The following PEAK1 variants were observed in gnomAD, a reference collection of about 807,000 sequenced individuals.
PEAK1 encodes the protein inactive tyrosine-protein kinase PEAK1.
Under a neutral mutation model 124.7 loss-of-function variants are expected in PEAK1, and 54 were observed. The ratio of observed to expected loss-of-function variants is 0.43; its 90% CI spans 0.35 to 0.54. The LOEUF (loss-of-function observed/expected upper bound fraction) is 0.54. Among genes scored for constraint, PEAK1 ranks in the 20% least tolerant of loss-of-function variants. The pLI, the probability that PEAK1 is intolerant of heterozygous loss-of-function variation, is 0.01. For synonymous variants in PEAK1, 719 were observed against 760.0 expected (o/e 0.95, Z 0.89); for missense variants, 2,046 against 2,134.5 (o/e 0.96, Z 0.82).
At chr15:77,402,197 A>G (rs2071430525) in intron 1 of PEAK1, 4 of 980,216 alleles carry the variant, frequency 4.1e-6, no homozygotes, top group Non-Finnish European at 4.8e-6. Context: ...CCAGATTTCA[A>G]TCCTCTTCCC....
chr15:77,303,930 T>A (rs1232108335), intron 2 of PEAK1, among the ~76,000 whole-genome samples: 7 of 152,248 alleles, frequency 4.6e-5, no homozygotes, highest in Non-Finnish European at 1.0e-4. Context: ...CAGTTTTGGA[T>A]ATGGACATCC....
At chr15:77,269,099 A>C (rs1035528407) in intron 5 of PEAK1, among the ~76,000 whole-genome samples, 1 of 151,582 alleles carries the variant, frequency 6.6e-6, no homozygotes. Flanking sequence ...TAAAACAACA[A>C]CACAATGAAA....
At chr15:77,321,833 A>G (rs2065239328) in intron 2 of PEAK1, among the ~76,000 whole-genome samples, 1 of 152,144 alleles carries the variant, frequency 6.6e-6, no homozygotes, top group Non-Finnish European at 1.5e-5. Flanking sequence ...TAACTTTTGT[A>G]TAAGGTGTAA....
intron 8 of PEAK1, among the ~76,000 whole-genome samples, chr15:77,138,511 TTTTG>T (rs1299391703): frequency 6.6e-6 from 1 of 152,242 alleles, no homozygotes; most frequent in Admixed American, 6.5e-5. Context: ...ACTTTATAAA[TTTTG>T]TTTAACTTTT....
At chr15:77,115,504 T>A (rs1405171054) in intron 9 of PEAK1, among the ~76,000 whole-genome samples, 185 bp from the exon 10 acceptor site, 1 of 152,190 alleles carries the variant, frequency 6.6e-6, no homozygotes, top group Non-Finnish European at 1.5e-5. Context: ...GTTGTCTACA[T>A]GCCAGGCTGT....
Position 77,133,226 on chromosome 15 carries a change from C to T in PEAK1, c.3856G>A (p.Val1286Ile). The T allele has an allele frequency of 6.2e-7, 1 of 1,614,240 alleles. No individual in the cohort carries two copies. The highest frequency in any genetic ancestry group is 8.5e-7 in the Non-Finnish European group (1 of 1,180,036). The part of the protein sequence containing the change: ...LYRGLENREE[V>I]VGKIRSLHTD... ...TGAAGGCTTCGGATTTTACCCACTACTTCCTCCCGATTCTCAAGTCCTCGA... is the reference window on the plus strand; with the variant it reads ...TGAAGGCTTCGGATTTTACCCACTATTTCCTCCCGATTCTCAAGTCCTCGA... The change falls in exon 9 of 10, where the codon GTA (valine) becomes ATA (isoleucine). Residue 1286 changes from valine to isoleucine, a missense_variant. Transcript: ENST00000682557. This position sits in a 1 kb window ranked among gnomAD's most constrained non-coding sequence, Gnocchi z 4.2.
intron 5 of PEAK1, among the ~76,000 whole-genome samples, chr15:77,268,771 T>A (rs542197088): frequency 6.6e-6 from 1 of 152,046 alleles, no homozygotes; most frequent in Admixed American, 6.6e-5. Flanking sequence ...GGCAAAAGTA[T>A]CAGGTAACCT....
chr15:77,188,302 T>C (rs939735610), intron 6 of PEAK1, among the ~76,000 whole-genome samples: 2 of 152,228 alleles, frequency 1.3e-5, no homozygotes, highest in Admixed American at 1.3e-4. Flanking sequence ...TTCTAACAGT[T>C]CACTGCTCCT....
At chr15:77,174,227 A>G (rs994955323) in intron 7 of PEAK1, among the ~76,000 whole-genome samples, 1 of 152,238 alleles carries the variant, frequency 6.6e-6, no homozygotes, top group Non-Finnish European at 1.5e-5. Context: ...GAAGGGCTCT[A>G]TAAAGTTCCT....
At chr15:77,402,351 G>A (rs2071445459) in intron 1 of PEAK1, 3 of 985,184 alleles carry the variant, frequency 3.0e-6, no homozygotes, top group Non-Finnish European at 3.6e-6. Flanking sequence ...AGGGAAAAGA[G>A]GCAAGTTCCT....
At chr15:77,221,076 A>G (rs2152878358) in intron 6 of PEAK1, among the ~76,000 whole-genome samples, 1 of 152,218 alleles carries the variant, frequency 6.6e-6, no homozygotes, top group Non-Finnish European at 1.5e-5. Context: ...TCATAATCAG[A>G]AAAAATAAGT....
intron 6 of PEAK1, among the ~76,000 whole-genome samples, chr15:77,251,542 AT>A (rs1270638027): frequency 6.4e-4 from 97 of 152,338 alleles, no homozygotes; most frequent in African/African-American, 2.2e-3. Flanking sequence ...AGTTCAAAAA[AT>A]AACACCAAAA....
At chr15:77,262,368 T>C (rs1403912931) in intron 5 of PEAK1, among the ~76,000 whole-genome samples, 4 of 151,900 alleles carry the variant, frequency 2.6e-5, no homozygotes, top group Non-Finnish European at 4.4e-5. Context: ...GAAACCCATC[T>C]CACATGCAGA....
Position 77,133,823 on chromosome 15 carries a change from G to A in PEAK1, c.3332-73C>T. Reference sequence around the variant, plus strand: ...CAATCTAATTTTATAACTGAAACTTGAGCAGAAATGAGTGAGGTAGCCATG... The same window carrying A: ...CAATCTAATTTTATAACTGAAACTTAAGCAGAAATGAGTGAGGTAGCCATG... On this transcript the variant is annotated intron_variant, in intron 8 of 9. Coordinates refer to ENST00000682557, the MANE Select transcript of PEAK1 (RefSeq NM_001385026.1). The surrounding 1 kb of genome is among the most constrained non-coding windows in gnomAD (Gnocchi z 4.2). 1.4e-6 allele frequency: 2 copies of A among 1,433,562 alleles called. No homozygotes were observed. Among genetic ancestry groups the A allele is most frequent in the East Asian group, 4.8e-5 (2 of 41,966 alleles). The allele number at this position is 1,433,562 out of a possible 1,614,324, so 88.8% of individuals were successfully genotyped here.
At chr15:77,166,278 A>G (rs1196833526) in intron 7 of PEAK1, among the ~76,000 whole-genome samples, 1 of 152,230 alleles carries the variant, frequency 6.6e-6, no homozygotes, top group Non-Finnish European at 1.5e-5. Context: ...CTGTGCTTAA[A>G]TATCTTCAAA....
At chr15:77,263,457 T>C (rs2061547814) in intron 5 of PEAK1, among the ~76,000 whole-genome samples, 1 of 152,006 alleles carries the variant, frequency 6.6e-6, no homozygotes, top group South Asian at 2.1e-4. Flanking sequence ...CAAACTACCA[T>C]CAGAGAATAC....
At chr15:77,164,905 CTTT>C (rs978671775) in intron 7 of PEAK1, among the ~76,000 whole-genome samples, 2 of 142,458 alleles carry the variant, frequency 1.4e-5, no homozygotes, top group Non-Finnish European at 1.5e-5. Context: ...GGCTTTCTTT[CTTT>C]TTTTTTTTTT....
Position 77,337,905 on chromosome 15 carries a change from A to G in PEAK1, c.-603+27258T>C, listed in dbSNP as rs1429163385. The G allele has an allele frequency of 1.9e-5, 19 of 984,950 alleles. No individual in the cohort carries two copies. The Admixed American group carries it at 3.1e-4, about 16-fold the overall frequency. The allele number at this position is 984,950 out of a possible 1,614,324, so 61.0% of individuals were successfully genotyped here. A position where few individuals can be genotyped will look rare whatever the true frequency, so the allele number is the denominator to read the frequency against. Reference sequence around the variant, plus strand: ...TATTAGTCTGTTCTCATTAAATTACAGCTAAATCTGTCAATAATTTGGGGG... The same window carrying G: ...TATTAGTCTGTTCTCATTAAATTACGGCTAAATCTGTCAATAATTTGGGGG... On this transcript the variant is annotated intron_variant, in intron 2 of 9. Transcript: ENST00000682557.
At chr15:77,333,520 A>G (rs1476824006) in intron 2 of PEAK1, 2 of 852,246 alleles carry the variant, frequency 2.3e-6, no homozygotes, top group Non-Finnish European at 2.8e-6. Context: ...TAATTTCTCC[A>G]CTACTTGATT....
Sources: gnomAD v4.1 joint callset for allele counts (sites outside exome capture counted in the v4.1 genomes callset) on GRCh38, gnomAD v4.1.1 for gene constraint, Gnocchi (gnomAD v3.1) non-coding constraint, MANE v1.5 for transcripts, NCBI Gene and HGNC (gene_info 2026-07-23, HGNC 2026-07-21) for gene names.